Variants in CNTN5 observed in about 807,000 individuals in gnomAD.
CNTN5 encodes contactin 5.
CNTN5 carries 77 observed loss-of-function variants against 129.1 expected under a neutral mutation model. That is an observed-to-expected ratio of 0.60 (90% confidence interval 0.50 to 0.72). The LOEUF (loss-of-function observed/expected upper bound fraction) is 0.72, where lower values mean the gene tolerates loss of function less well. Ranked by LOEUF, CNTN5 falls within the 30% of genes least tolerant of loss-of-function variation. CNTN5 has a pLI of 0.00. For synonymous variants in CNTN5, 509 were observed against 465.6 expected, an observed-to-expected ratio of 1.09 and a Z score of -1.20; for missense variants, 1,478 against 1,328.8, an observed-to-expected ratio of 1.11 and a Z score of -1.75.
At chr11:99,610,271 A>G (rs1030743697) in intron 3 of CNTN5, among the ~76,000 whole-genome samples, 1 of 152,142 alleles carries the variant, frequency 6.6e-6, no homozygotes, top group Non-Finnish European at 1.5e-5. Flanking sequence ...TAGTCTGCCA[A>G]TAGGAAAATA....
At chr11:99,702,120 T>G in intron 3 of CNTN5, among the ~76,000 whole-genome samples, 1 of 151,064 alleles carries the variant, frequency 6.6e-6, no homozygotes, top group East Asian at 1.9e-4. Flanking sequence ...TCACAAAAAC[T>G]ACCTTATCAA....
intron 1 of CNTN5, among the ~76,000 whole-genome samples, chr11:99,115,618 G>T (rs1442959437): frequency 1.3e-5 from 2 of 151,866 alleles, no homozygotes; most frequent in Non-Finnish European, 2.9e-5. Context: ...GAATTAGCTG[G>T]GTGTGGTGGC....
In CNTN5 at chr11:99,879,880, A is replaced by G. The variant is rs113365074; in HGVS notation, c.577+34618A>G. Among the ~76,000 whole-genome samples, 77 of 152,210 alleles carry G rather than the reference A, an allele frequency of 5.1e-4. No homozygotes were observed. The East Asian group carries it at 0.013, about 26-fold the overall frequency. On this transcript the variant is annotated intron_variant, in intron 6 of 24. Transcript: ENST00000524871. ...TAGCAAGAAGTCTATGTCCTTAACA[A>G]CTCCATAGTCCTCCTGCACACTCAT...
Position 99,666,627 on chromosome 11 carries a change from A to G in CNTN5, c.55+110358A>G, listed in dbSNP as rs1197099905. Among the ~76,000 whole-genome samples the G allele has an allele frequency of 2.0e-5, 3 of 152,344 alleles. No homozygotes were observed. In the East Asian group the frequency reaches 5.8e-4, roughly 29 times the overall value. ...TCCGAAACAGTCTTACAGAGTCTCC[A>G]TGCTCTTTGGTGGAGTTCGGAGACA... On this transcript the variant is annotated intron_variant, in intron 3 of 24. Transcript: ENST00000524871.
At chr11:99,705,425 C>T (rs1954713012) in intron 3 of CNTN5, among the ~76,000 whole-genome samples, 1 of 151,336 alleles carries the variant, frequency 6.6e-6, no homozygotes, top group South Asian at 2.1e-4. Flanking sequence ...TCCATGCCTA[C>T]ATGCCCCTGA....
At position 99,714,294 on chromosome 11, in the gene CNTN5, G is replaced by T. The variant is rs527560565; in HGVS notation, c.56-105250G>T. On this transcript the variant is annotated intron_variant, in intron 3 of 24. Transcript: ENST00000524871. Reference sequence around the variant, plus strand: ...TCTTGTGTTCCTCTATAAATCACCTGTGCATATACATCCCAGAAAAAATGA... The same window carrying T: ...TCTTGTGTTCCTCTATAAATCACCTTTGCATATACATCCCAGAAAAAATGA... Among the ~76,000 whole-genome samples, 4 of 151,934 alleles carry T rather than the reference G, an allele frequency of 2.6e-5. No individual in the cohort carries two copies. The South Asian group carries it at 8.3e-4, about 31-fold the overall frequency.
At chr11:100,345,652 T>G (rs1304296633) in intron 23 of CNTN5, among the ~76,000 whole-genome samples, 1 of 151,602 alleles carries the variant, frequency 6.6e-6, no homozygotes, top group Non-Finnish European at 1.5e-5. Context: ...TCATGAAAGA[T>G]AGATGGAATT....
chr11:100,114,814 G>C (rs114932983), intron 13 of CNTN5, among the ~76,000 whole-genome samples: 2,953 of 152,132 alleles, frequency 0.019, 95 homozygotes, highest in African/African-American at 0.066. Context: ...AGCACTTGCT[G>C]TGTACCAGTC....
At chr11:100,171,729 TTC>T (rs1947831703) in intron 13 of CNTN5, among the ~76,000 whole-genome samples, 1 of 152,140 alleles carries the variant, frequency 6.6e-6, no homozygotes, top group Non-Finnish European at 1.5e-5. Flanking sequence ...TGGTTTTAAT[TTC>T]TCTCTCTTTG....
chr11:99,905,510 G>T (rs964820317), intron 6 of CNTN5, among the ~76,000 whole-genome samples: 1 of 152,004 alleles, frequency 6.6e-6, no homozygotes, highest in African/African-American at 2.4e-5. Context: ...TATCCGTTTT[G>T]GTACCAGTAC....
At chr11:100,299,929 T>C (rs551791928) in intron 20 of CNTN5, among the ~76,000 whole-genome samples, 2 of 151,584 alleles carry the variant, frequency 1.3e-5, no homozygotes, top group South Asian at 4.1e-4. Context: ...TTGCCTCCGT[T>C]ATGTAGAAAG....
chr11:99,923,771 C>CTATCTATT (rs1949994606), intron 7 of CNTN5, among the ~76,000 whole-genome samples: 1 of 151,386 alleles, frequency 6.6e-6, no homozygotes, highest in African/African-American at 2.4e-5. Context: ...ATCTATCTAT[C>CTATCTATT]TATCTATCTA....
chr11:99,286,734 C>G (rs574514862), intron 1 of CNTN5, among the ~76,000 whole-genome samples: 135 of 152,148 alleles, frequency 8.9e-4, no homozygotes, highest in African/African-American at 3.1e-3. Flanking sequence ...TTTCACAGTA[C>G]ATCTGGATTT....
At chr11:99,557,501 G>A (rs981649892) in intron 3 of CNTN5, among the ~76,000 whole-genome samples, 1 of 151,236 alleles carries the variant, frequency 6.6e-6, no homozygotes, top group African/African-American at 2.4e-5. Context: ...TTCCTGTATT[G>A]TGTAACATGA....
intron 2 of CNTN5, among the ~76,000 whole-genome samples, chr11:99,455,679 C>T (rs1944470984): frequency 6.6e-6 from 1 of 151,878 alleles, no homozygotes; most frequent in Non-Finnish European, 1.5e-5. Context: ...CAGAGGTTCC[C>T]GTACCTGCCA....
At chr11:99,483,079 G>A (rs1031967210) in intron 2 of CNTN5, among the ~76,000 whole-genome samples, 2 of 150,330 alleles carry the variant, frequency 1.3e-5, no homozygotes, top group East Asian at 3.9e-4. Flanking sequence ...GGGAGGCTGA[G>A]GCAGGAGAAT....
At chr11:99,663,668 C>T (rs1276089147) in intron 3 of CNTN5, among the ~76,000 whole-genome samples, 1 of 152,036 alleles carries the variant, frequency 6.6e-6, no homozygotes, top group East Asian at 1.9e-4. Flanking sequence ...TTCACAAGAT[C>T]TGATGGTTCT....
intron 13 of CNTN5, among the ~76,000 whole-genome samples, chr11:100,108,975 ACTT>A (rs1296124055): frequency 1.3e-5 from 2 of 152,014 alleles, no homozygotes; most frequent in African/African-American, 4.8e-5. Flanking sequence ...GGGGAGAAAA[ACTT>A]CTTCCCACTT....
intron 23 of CNTN5, among the ~76,000 whole-genome samples, chr11:100,345,195 A>C (rs991932234): frequency 6.6e-6 from 1 of 152,156 alleles, no homozygotes; most frequent in Admixed American, 6.6e-5. Context: ...GCTCCAGCAA[A>C]TTCTGTGTCT....
Sources: allele counts gnomAD v4.1 joint callset (sites outside exome capture counted in the v4.1 genomes callset), GRCh38; gene constraint gnomAD v4.1.1; transcripts MANE v1.5; gene names NCBI Gene and HGNC (gene_info 2026-07-23, HGNC 2026-07-21).